Variants in CNTN5 observed in about 807,000 individuals in gnomAD.
CNTN5 encodes contactin 5.
Under a neutral mutation model 129.1 loss-of-function variants are expected in CNTN5, and 77 were observed. That is an observed-to-expected ratio of 0.60 (90% CI 0.50 to 0.72). CNTN5 has a LOEUF of 0.72. CNTN5 is among the 30% of genes least tolerant of loss of function. The probability of loss-of-function intolerance (pLI) is 0.00; values close to 1 mark genes in which losing one functional copy is unlikely to be tolerated. For synonymous variants in CNTN5, 509 were observed against 465.6 expected, an observed-to-expected ratio of 1.09 and a Z score of -1.20; for missense variants, 1,478 against 1,328.8, an observed-to-expected ratio of 1.11 and a Z score of -1.75.
At chr11:100,288,403 A>C (rs1246461985) in intron 18 of CNTN5, among the ~76,000 whole-genome samples, 12 of 152,200 alleles carry the variant, frequency 7.9e-5, no homozygotes, top group Non-Finnish European at 1.8e-4. Context: ...AATTATAACA[A>C]ACTATCTCTC....
intron 7 of CNTN5, among the ~76,000 whole-genome samples, chr11:99,919,093 C>T (rs1291974098): frequency 6.6e-6 from 1 of 152,180 alleles, no homozygotes; most frequent in East Asian, 1.9e-4. Context: ...GGTGTGCTCT[C>T]ATGACCAGAC....
chr11:99,731,796 T>C (rs1478040058), intron 3 of CNTN5, among the ~76,000 whole-genome samples: 1 of 152,136 alleles, frequency 6.6e-6, no homozygotes, highest in Admixed American at 6.6e-5. Flanking sequence ...GTTACTTAAA[T>C]ATATCTTAAG....
intron 1 of CNTN5, among the ~76,000 whole-genome samples, chr11:99,232,685 A>T (rs556252965): frequency 6.6e-6 from 1 of 152,166 alleles, no homozygotes; most frequent in East Asian, 1.9e-4. Context: ...AAACTATTTT[A>T]AGTTAATGAG....
At chr11:100,049,217 GA>G (rs1437712576) in intron 9 of CNTN5, among the ~76,000 whole-genome samples, 1 of 151,792 alleles carries the variant, frequency 6.6e-6, no homozygotes, top group Non-Finnish European at 1.5e-5. Context: ...GTTTTGTAAA[GA>G]AAAAATATAA....
In CNTN5 at chr11:99,717,214, G is replaced by C. The variant is rs150922841; in HGVS notation, c.56-102330G>C. ...ATTTGTAGTTTCATTTTTTAACCTT[G>C]CTATATCTGTTGATTTGAACTTTCA... On this transcript the variant is annotated intron_variant, in intron 3 of 24. Coordinates refer to ENST00000524871, the MANE Select transcript of CNTN5 (RefSeq NM_014361.4). 1.6e-3 allele frequency among the ~76,000 whole-genome samples: 247 copies of C among 152,056 alleles called. 4 individuals are homozygous for C. The highest frequency in any genetic ancestry group is 5.2e-3 in the African/African-American group (217 of 41,516).
At chr11:99,507,330 T>C (rs971204914) in intron 2 of CNTN5, among the ~76,000 whole-genome samples, 2 of 136,950 alleles carry the variant, frequency 1.5e-5, no homozygotes, top group African/African-American at 5.6e-5. Context: ...TGAGCCGAGA[T>C]GGTGCCACTG....
At chr11:99,614,679 G>A (rs747857071) in intron 3 of CNTN5, among the ~76,000 whole-genome samples, 18 of 152,118 alleles carry the variant, frequency 1.2e-4, no homozygotes, top group East Asian at 1.9e-4. Flanking sequence ...TTTGCTCCTC[G>A]ATCCAGGTGC....
chr11:100,217,094 T>G (rs549171491), intron 15 of CNTN5, among the ~76,000 whole-genome samples: 11 of 152,346 alleles, frequency 7.2e-5, no homozygotes, highest in African/African-American at 2.6e-4. Context: ...CTGCAATGAC[T>G]TTTTGTACTA....
chr11:99,706,928 C>A (rs182431306), intron 3 of CNTN5, among the ~76,000 whole-genome samples: 1 of 150,478 alleles, frequency 6.6e-6, no homozygotes, highest in Admixed American at 6.7e-5. Flanking sequence ...AAAGTGTAAT[C>A]CTGTGCTATA....
intron 10 of CNTN5, among the ~76,000 whole-genome samples, chr11:100,070,020 G>C (rs540017729): frequency 1.3e-5 from 2 of 152,138 alleles, no homozygotes; most frequent in African/African-American, 4.8e-5. Flanking sequence ...TACACAGAGA[G>C]ATAGAAACAA....
At chr11:99,505,751 C>A (rs1206277363) in intron 2 of CNTN5, among the ~76,000 whole-genome samples, 1 of 152,132 alleles carries the variant, frequency 6.6e-6, no homozygotes, top group African/African-American at 2.4e-5. Context: ...TAATATCAAA[C>A]CTTTGCATTT....
At chr11:99,022,646 AT>A (rs566763638) in intron 1 of CNTN5, among the ~76,000 whole-genome samples, 23 of 152,150 alleles carry the variant, frequency 1.5e-4, no homozygotes, top group Non-Finnish European at 2.4e-4. Context: ...AATTAAAGAT[AT>A]TACATAAAAA....
intron 2 of CNTN5, among the ~76,000 whole-genome samples, chr11:99,522,304 G>A (rs1194237653): frequency 1.3e-5 from 2 of 151,906 alleles, no homozygotes; most frequent in African/African-American, 2.4e-5. Context: ...TATTTAAATT[G>A]GATTATTTTT....
intron 1 of CNTN5, among the ~76,000 whole-genome samples, chr11:99,051,260 AC>A: frequency 6.6e-6 from 1 of 151,916 alleles, no homozygotes; most frequent in East Asian, 1.9e-4. Flanking sequence ...TTCTAATTTT[AC>A]AACTTAGTTT....
intron 17 of CNTN5, among the ~76,000 whole-genome samples, chr11:100,262,305 G>T (rs1032969999): frequency 6.6e-6 from 1 of 152,220 alleles, no homozygotes; most frequent in Admixed American, 6.5e-5. Flanking sequence ...TGCTGGAGAG[G>T]ATGTGGAGAA....
intron 13 of CNTN5, among the ~76,000 whole-genome samples, chr11:100,175,622 A>G (rs560047314): frequency 6.6e-6 from 1 of 152,116 alleles, no homozygotes; most frequent in Non-Finnish European, 1.5e-5. Flanking sequence ...GGAGACACTG[A>G]CGGGAAAATA....
intron 13 of CNTN5, among the ~76,000 whole-genome samples, chr11:100,129,871 TA>T (rs1034654157): frequency 4.6e-5 from 7 of 151,922 alleles, no homozygotes; most frequent in East Asian, 1.9e-4. Context: ...TTAATCAGGT[TA>T]AAAAAACACC....
intron 13 of CNTN5, among the ~76,000 whole-genome samples, chr11:100,131,866 G>A (rs751417775): frequency 6.6e-5 from 10 of 152,034 alleles, no homozygotes; most frequent in Non-Finnish European, 1.0e-4. Context: ...TCCATGATAA[G>A]GGCCATGATA....
chr11:99,608,550 A>T (rs191664983), intron 3 of CNTN5, among the ~76,000 whole-genome samples: 22 of 152,268 alleles, frequency 1.4e-4, no homozygotes, highest in Admixed American at 7.2e-4. Flanking sequence ...AAAGAGAAAA[A>T]TTGTACACAG....
Sources: allele counts gnomAD v4.1 joint callset (sites outside exome capture counted in the v4.1 genomes callset), GRCh38; gene constraint gnomAD v4.1.1; transcripts MANE v1.5; gene names NCBI Gene and HGNC (gene_info 2026-07-23, HGNC 2026-07-21).